TTF1: variants seen among roughly 807,000 people sequenced by gnomAD.
TTF1 encodes transcription termination factor 1, also known as transcription termination factor, RNA polymerase I.
Under a neutral mutation model 80.2 loss-of-function variants are expected in TTF1, and 64 were observed. The ratio of observed to expected loss-of-function variants is 0.80; its 90% CI spans 0.65 to 0.98. TTF1 has a LOEUF of 0.98. Among genes scored for constraint, TTF1 ranks in the 50% least tolerant of loss-of-function variants. The pLI is 0.00. For synonymous variants in TTF1, 372 were observed against 382.7 expected (o/e 0.97, Z 0.33); for missense variants, 1,023 against 1,086.2 (o/e 0.94, Z 0.82).
intron 9 of TTF1, among the ~76,000 whole-genome samples, chr9:132,385,615 C>T (rs1385991685): frequency 1.3e-5 from 2 of 152,214 alleles, no homozygotes; most frequent in Admixed American, 1.3e-4. Flanking sequence ...CCCCGCATGG[C>T]TACCCTGCCA....
At chr9:132,376,415 C>T (rs375540134) in intron 10 of TTF1, among the ~76,000 whole-genome samples, 1 of 152,084 alleles carries the variant, frequency 6.6e-6, no homozygotes, top group African/African-American at 2.4e-5. Flanking sequence ...GAGACTTGCC[C>T]GAGGCCTTGG....
At chr9:132,386,077 TA>T (rs1272835177) in intron 9 of TTF1, among the ~76,000 whole-genome samples, 2 of 152,304 alleles carry the variant, frequency 1.3e-5, no homozygotes, top group Admixed American at 1.3e-4. Flanking sequence ...TCATTGTTAC[TA>T]AAGTACCTAT....
Position 132,375,926 on chromosome 9 carries a change from A to C in TTF1, c.2707T>G (p.Trp903Gly), listed in dbSNP as rs768151755. 43 of 1,581,382 alleles carry C rather than the reference A, an allele frequency of 2.7e-5. No individual in the cohort carries two copies. Among genetic ancestry groups the C allele is most frequent in the Non-Finnish European group, 3.5e-5 (41 of 1,160,138 alleles). Residue 903 changes from tryptophan (W) to glycine (G), a missense_variant, in exon 11 of 11, where the codon TGG becomes GGG. Physicochemically the swap from Trp to Gly is radical, Grantham distance 184. Transcript: ENST00000334270. ...NSSTLGGQGR[W>G]II ...TCGAACTCCTGACCTCAGATGATCCACCGGCCTTGGCCTCCCAAAGTACTG... is the reference window on the plus strand; with the variant it reads ...TCGAACTCCTGACCTCAGATGATCCCCCGGCCTTGGCCTCCCAAAGTACTG...
chr9:132,395,351 C>T (rs1174372544), intron 5 of TTF1, among the ~76,000 whole-genome samples: 2 of 152,002 alleles, frequency 1.3e-5, no homozygotes, highest in South Asian at 4.1e-4. Flanking sequence ...TAATACAGCA[C>T]AAAGAGATGA....
At chr9:132,391,458 A>G (rs978188718) in intron 6 of TTF1, among the ~76,000 whole-genome samples, 4 of 152,206 alleles carry the variant, frequency 2.6e-5, no homozygotes, top group Admixed American at 2.0e-4. Context: ...TGAATATTTA[A>G]AAATCAAGAG....
intron 4 of TTF1, among the ~76,000 whole-genome samples, chr9:132,397,590 TA>T (rs746120855): frequency 1.0e-3 from 152 of 152,292 alleles, no homozygotes; most frequent in Middle Eastern, 6.8e-3. Context: ...AAACCACAAC[TA>T]TTGCCAAGGA....
Position 132,380,076 on chromosome 9 carries a change from C to CT in TTF1, c.2379-933dup, listed in dbSNP as rs908325736. Among the ~76,000 whole-genome samples, 1,445 of 145,114 alleles carry CT rather than the reference C, an allele frequency of 1.0e-2. 21 individuals are homozygous for CT. The highest frequency in any genetic ancestry group is 0.033 in the African/African-American group (1,300 of 39,810). On this transcript the variant is annotated intron_variant, in intron 9 of 10. Transcript: ENST00000334270. ...CAATGTCTCTTTCTCGCATTATCTTCTTTTTTTTTTTTGGATGGAGTCTCG... is the reference window on the plus strand; with the variant it reads ...CAATGTCTCTTTCTCGCATTATCTTCTTTTTTTTTTTTTGGATGGAGTCTCG...
intron 9 of TTF1, among the ~76,000 whole-genome samples, chr9:132,383,877 A>G (rs769085784): frequency 6.6e-6 from 1 of 152,204 alleles, no homozygotes; most frequent in African/African-American, 2.4e-5. Flanking sequence ...TTTTGTAGCT[A>G]TAAAGAATGT....
chr9:132,390,482 G>T, intron 7 of TTF1, 115 bp downstream of exon 7: 1 of 960,966 alleles, frequency 1.0e-6, no homozygotes, highest in Admixed American at 2.2e-5. Flanking sequence ...CAGCAGACTA[G>T]ACACGATTGT....
chr9:132,378,808 A>G (rs902437903), intron 10 of TTF1, among the ~76,000 whole-genome samples: 10 of 152,126 alleles, frequency 6.6e-5, no homozygotes, highest in Middle Eastern at 6.8e-3. Context: ...TGGCAACACC[A>G]GCAGGACTCA....
rs540254981 is a variant in TTF1, at chr9:132,376,128, C to T, written c.2505G>A (p.Leu835=). The T allele has an allele frequency of 8.7e-6, 14 of 1,614,012 alleles. No homozygotes were observed. In the African/African-American group the frequency reaches 1.2e-4, roughly 14 times the overall value. Residue 835 remains leucine, a synonymous_variant, in exon 11 of 11, where the codon CTG becomes CTA. Coordinates refer to ENST00000334270, the MANE Select transcript of TTF1 (RefSeq NM_007344.4). ...CCATCATTTTTTCTAACTTTTCCTT[C>T]AGCAAAGGTAGAGTCGTCTCATAAA... is the stretch of plus-strand genomic sequence containing the variant. ...DYLYETTLPL[L]KEKLEKMMEK...
intron 6 of TTF1, among the ~76,000 whole-genome samples, chr9:132,391,371 G>A (rs767927708): frequency 1.6e-4 from 24 of 150,706 alleles, no homozygotes; most frequent in Admixed American, 3.4e-4. Flanking sequence ...AGTAAGGAGC[G>A]TCACACTGGC....
chr9:132,388,278 C>A, intron 7 of TTF1, 50 bp from the exon 8 acceptor site: 1 of 1,314,720 alleles, frequency 7.6e-7, no homozygotes, highest in Non-Finnish European at 1.1e-6. Flanking sequence ...GTAGAGTTTT[C>A]ATTAAAATAT....
At chr9:132,392,837 C>CA (rs1416778049) in intron 5 of TTF1, among the ~76,000 whole-genome samples, 1 of 151,990 alleles carries the variant, frequency 6.6e-6, no homozygotes, top group Non-Finnish European at 1.5e-5. Flanking sequence ...TGATGAAAAA[C>CA]AAAAACAAAA....
At chr9:132,389,938 T>C (rs1849531688) in intron 7 of TTF1, among the ~76,000 whole-genome samples, 1 of 152,230 alleles carries the variant, frequency 6.6e-6, no homozygotes, top group Non-Finnish European at 1.5e-5. Flanking sequence ...ACTTGTGATT[T>C]CTCTCTGTAT....
chr9:132,390,902 T>C, intron 6 of TTF1, 71 bp from the exon 7 acceptor site: 2 of 1,420,096 alleles, frequency 1.4e-6, no homozygotes, highest in African/African-American at 1.4e-5. Context: ...AAAAATGAAA[T>C]GATAAATCGG....
chr9:132,382,221 A>G (rs1849381868), intron 9 of TTF1, among the ~76,000 whole-genome samples: 2 of 152,082 alleles, frequency 1.3e-5, no homozygotes, highest in Admixed American at 1.3e-4. Flanking sequence ...TAAACACAAG[A>G]GCCATGTTCA....
intron 10 of TTF1, among the ~76,000 whole-genome samples, chr9:132,378,117 G>C (rs1217689240): frequency 3.8e-5 from 4 of 105,040 alleles, no homozygotes; most frequent in African/African-American, 1.5e-4. Context: ...GTGTGTGTGA[G>C]TGCATGCATG....
At chr9:132,399,527 G>A (rs1346329830) in intron 3 of TTF1, among the ~76,000 whole-genome samples, 1 of 151,498 alleles carries the variant, frequency 6.6e-6, no homozygotes, top group Non-Finnish European at 1.5e-5. Context: ...CTTTATTATT[G>A]GATTTAAGAA....
Sources: gnomAD v4.1 joint callset for allele counts (sites outside exome capture counted in the v4.1 genomes callset) on GRCh38, gnomAD v4.1.1 for gene constraint, MANE v1.5 for transcripts, NCBI Gene and HGNC (gene_info 2026-07-23, HGNC 2026-07-21) for gene names.